GPR89A: variants seen among roughly 807,000 people sequenced by gnomAD.
The protein encoded by GPR89A is golgi pH regulator A, also known as G protein-coupled receptor 89A.
Under a neutral mutation model 52.0 loss-of-function variants are expected in GPR89A, and 16 were observed. That is an observed-to-expected ratio of 0.31 (90% CI 0.21 to 0.47). The LOEUF (loss-of-function observed/expected upper bound fraction) is 0.47, where lower values mean the gene tolerates loss of function less well. GPR89A is among the 20% of genes least tolerant of loss of function. GPR89A has a pLI of 1.00. For missense variants in GPR89A, 135 were observed against 449.4 expected (o/e 0.30, Z 6.33); for synonymous variants, 55 against 150.9 (o/e 0.36, Z 4.66).
At chr1:145,639,420 A>T (rs1485401861) in intron 7 of GPR89A, among the ~76,000 whole-genome samples, 1 of 152,176 alleles carries the variant, frequency 6.6e-6, no homozygotes, top group East Asian at 1.9e-4. Flanking sequence ...ACTGGTAGAC[A>T]TAGATCACTG....
intron 10 of GPR89A, among the ~76,000 whole-genome samples, chr1:145,659,632 A>C (rs1189164453): frequency 2.2e-5 from 3 of 135,932 alleles, no homozygotes; most frequent in Non-Finnish European, 4.7e-5. Flanking sequence ...ATTGATCTAT[A>C]TCTCTGTTTT....
At chr1:145,615,696 GCT>G (rs1248377311) in intron 1 of GPR89A, among the ~76,000 whole-genome samples, 2 of 136,458 alleles carry the variant, frequency 1.5e-5, no homozygotes, top group Non-Finnish European at 3.1e-5. Context: ...CACGATATTG[GCT>G]CTCTGCAACC....
intron 1 of GPR89A, among the ~76,000 whole-genome samples, chr1:145,609,175 T>C (rs1475572544): frequency 6.6e-6 from 1 of 152,206 alleles, no homozygotes; most frequent in Non-Finnish European, 1.5e-5. Context: ...TTGTTCTTTC[T>C]CTCAAACGGC....
intron 12 of GPR89A, among the ~76,000 whole-genome samples, chr1:145,668,727 C>G (rs1227470830): frequency 6.6e-6 from 1 of 152,090 alleles, no homozygotes; most frequent in African/African-American, 2.4e-5. Flanking sequence ...ATAGCTCTTA[C>G]GATTTCGAGA....
intron 1 of GPR89A, among the ~76,000 whole-genome samples, chr1:145,614,709 A>G (rs1440241646): frequency 2.6e-5 from 4 of 152,316 alleles, no homozygotes; most frequent in African/African-American, 9.6e-5. Context: ...TGAGGGAAGT[A>G]CAATGTAAAA....
At chr1:145,656,606 G>T in intron 10 of GPR89A, among the ~76,000 whole-genome samples, 1 of 152,230 alleles carries the variant, frequency 6.6e-6, no homozygotes, top group Middle Eastern at 3.4e-3. Context: ...GGTCACCTTG[G>T]CCCCTCCCCC....
chr1:145,666,182 AGG>A (rs1652539790), intron 12 of GPR89A, among the ~76,000 whole-genome samples: 1 of 143,306 alleles, frequency 7.0e-6, no homozygotes, highest in Non-Finnish European at 1.5e-5. Context: ...CATTCACTAA[AGG>A]TGATAGAGTA....
At chr1:145,657,191 T>C (rs61813315) in intron 10 of GPR89A, among the ~76,000 whole-genome samples, 15,105 of 136,914 alleles carry the variant, frequency 0.11, 999 homozygotes, top group African/African-American at 0.16. Context: ...GCCAGGAATT[T>C]GAGACCAGCC....
chr1:145,610,876 AC>A (rs1221213535), intron 1 of GPR89A, among the ~76,000 whole-genome samples: 4 of 152,046 alleles, frequency 2.6e-5, no homozygotes, highest in Non-Finnish European at 5.9e-5. Context: ...CTAATTTTCA[AC>A]CCAGAAGTCA....
At chr1:145,665,524 A>G (rs782552875) in intron 11 of GPR89A, 38 bp from the exon 12 acceptor site, 17 of 1,445,000 alleles carry the variant, frequency 1.2e-5, no homozygotes, top group Non-Finnish European at 1.7e-5. Flanking sequence ...CTCTCTGAAC[A>G]GAGATTTAGC....
chr1:145,637,880 T>C (rs1467515868), intron 7 of GPR89A, among the ~76,000 whole-genome samples: 17 of 151,660 alleles, frequency 1.1e-4, no homozygotes, highest in Admixed American at 1.1e-3. Flanking sequence ...ATCAGATCCA[T>C]AAAAATTCAG....
intron 2 of GPR89A, among the ~76,000 whole-genome samples, chr1:145,618,098 T>G (rs1553687374): frequency 6.8e-6 from 1 of 146,236 alleles, no homozygotes; most frequent in Non-Finnish European, 1.5e-5. Context: ...TCCTCAAAAT[T>G]CTTCATCCAC....
intron 10 of GPR89A, among the ~76,000 whole-genome samples, chr1:145,648,717 G>A (rs1419757939): frequency 1.3e-5 from 2 of 151,520 alleles, no homozygotes; most frequent in East Asian, 1.9e-4. Flanking sequence ...CTGAGCTCAG[G>A]CAATCTGCCC....
intron 10 of GPR89A, among the ~76,000 whole-genome samples, chr1:145,648,768 A>G (rs1218403697): frequency 1.4e-5 from 2 of 146,994 alleles, no homozygotes; most frequent in African/African-American, 5.1e-5. Flanking sequence ...GGCGTGAGCC[A>G]TCATCACACC....
At chr1:145,643,292 A>G (rs1299394506) in intron 7 of GPR89A, among the ~76,000 whole-genome samples, 1 of 150,872 alleles carries the variant, frequency 6.6e-6, no homozygotes, top group Non-Finnish European at 1.5e-5. Context: ...CAGCCTCCCA[A>G]GTAGCTGGGA....
At chr1:145,653,163 C>G (rs1553693893) in intron 10 of GPR89A, among the ~76,000 whole-genome samples, 1 of 150,944 alleles carries the variant, frequency 6.6e-6, no homozygotes, top group South Asian at 2.1e-4. Flanking sequence ...CCCAGAGATT[C>G]TGGTATGTTG....
chr1:145,632,912 A>C (rs1649981021), intron 7 of GPR89A, among the ~76,000 whole-genome samples: 1 of 152,002 alleles, frequency 6.6e-6, no homozygotes, highest in Non-Finnish European at 1.5e-5. Flanking sequence ...AATGTTCTTT[A>C]TCTTTTGCCC....
intron 7 of GPR89A, among the ~76,000 whole-genome samples, chr1:145,634,243 C>T (rs1203805812): frequency 1.3e-5 from 2 of 151,890 alleles, no homozygotes; most frequent in Non-Finnish European, 1.5e-5. Flanking sequence ...CCACACCCAG[C>T]TTATTTTTGT....
chr1:145,640,141 C>T (rs190135917), intron 7 of GPR89A, among the ~76,000 whole-genome samples: 28 of 149,046 alleles, frequency 1.9e-4, no homozygotes, highest in African/African-American at 6.8e-4. Context: ...ATTGCTGAAC[C>T]CAGGAGGTGG....
Sources: allele counts gnomAD v4.1 joint callset (sites outside exome capture counted in the v4.1 genomes callset), GRCh38; gene constraint gnomAD v4.1.1; transcripts MANE v1.5; gene names NCBI Gene and HGNC (gene_info 2026-07-23, HGNC 2026-07-21).